The following PTPRG variants were observed in gnomAD, a reference collection of about 807,000 sequenced individuals.
PTPRG encodes the protein protein tyrosine phosphatase receptor type G.
In PTPRG, 102 loss-of-function variants were observed where a neutral mutation model predicts 165.3. The ratio of observed to expected loss-of-function variants is 0.62; its 90% CI spans 0.53 to 0.73. The LOEUF is 0.73. Ranked by LOEUF, PTPRG falls within the 30% of genes least tolerant of loss-of-function variation. PTPRG has a pLI of 0.00. For synonymous variants in PTPRG, 675 were observed against 669.5 expected (o/e 1.01, Z -0.13); for missense variants, 1,866 against 1,861.4 (o/e 1.00, Z -0.05).
intron 2 of PTPRG, among the ~76,000 whole-genome samples, chr3:61,761,726 G>C (rs2033841972): frequency 1.3e-5 from 2 of 152,172 alleles, no homozygotes; most frequent in South Asian, 4.1e-4. Flanking sequence ...ACTTAATCCA[G>C]ATTTCCTATT....
intron 1 of PTPRG, among the ~76,000 whole-genome samples, chr3:61,717,038 C>T (rs1410627177): frequency 6.6e-6 from 1 of 152,132 alleles, no homozygotes; most frequent in Non-Finnish European, 1.5e-5. Flanking sequence ...TGACTTGTTT[C>T]TTTGTCTTAA....
chr3:61,999,195 G>A (rs2041111338), intron 3 of PTPRG, among the ~76,000 whole-genome samples: 1 of 152,062 alleles, frequency 6.6e-6, no homozygotes, highest in Non-Finnish European at 1.5e-5. Context: ...ACAGGTGCCC[G>A]CCACCACACC....
intron 2 of PTPRG, 44 bp downstream of exon 2, chr3:61,749,026 A>G (rs1401082645): frequency 2.0e-6 from 3 of 1,465,998 alleles, no homozygotes; most frequent in Middle Eastern, 1.7e-4. Context: ...GCCAGTTAAC[A>G]TCCCATTCAA....
chr3:61,573,691 T>C (rs568317635), intron 1 of PTPRG, among the ~76,000 whole-genome samples: 3 of 152,314 alleles, frequency 2.0e-5, no homozygotes, highest in Admixed American at 2.0e-4. Context: ...GTGGTAGTCA[T>C]GTATGAGGGC....
chr3:61,666,325 T>C (rs1878933), intron 1 of PTPRG, among the ~76,000 whole-genome samples: 21,463 of 152,274 alleles, frequency 0.14, 1,623 homozygotes, highest in East Asian at 0.17. Context: ...TCTCATTTGA[T>C]AGCAGTTCAC....
intron 2 of PTPRG, among the ~76,000 whole-genome samples, chr3:61,752,474 T>TAC: frequency 6.6e-6 from 1 of 152,028 alleles, no homozygotes; most frequent in Non-Finnish European, 1.5e-5. Flanking sequence ...AAGCCTAGAA[T>TAC]ATTACTGTAT....
chr3:61,626,404 C>T (rs564105450), intron 1 of PTPRG, among the ~76,000 whole-genome samples: 1 of 152,252 alleles, frequency 6.6e-6, no homozygotes, highest in African/African-American at 2.4e-5. Flanking sequence ...AGCCTGAATT[C>T]CATTTTTTCT....
chr3:62,240,774 A>G lies in PTPRG; in HGVS notation c.2376-3033A>G, dbSNP rs74726488. Among the ~76,000 whole-genome samples, 1 of 152,310 alleles carries G rather than the reference A, an allele frequency of 6.6e-6. No homozygotes were observed. Among genetic ancestry groups the G allele is most frequent in the African/African-American group, 2.4e-5 (1 of 41,568 alleles). ...TCTTCCTCCAGAGTTTTACAGGGTT[A>G]GACCTCCTTAATCAGGCCTCAGCTC... On this transcript the variant is annotated intron_variant, in intron 14 of 29. Transcript: ENST00000474889. The surrounding 1 kb of genome is among the most constrained non-coding windows in gnomAD (Gnocchi z 5.1).
At chr3:61,904,919 T>G (rs1293850337) in intron 2 of PTPRG, among the ~76,000 whole-genome samples, 1 of 152,132 alleles carries the variant, frequency 6.6e-6, no homozygotes, top group Non-Finnish European at 1.5e-5. Context: ...CCTTTTTTTT[T>G]TTGATGCTCA....
rs1283004168 is a variant in PTPRG at position 62,228,118 on chromosome 3, T to C, written c.2289-3107T>C. Reference sequence around the variant, plus strand: ...GGGTTGCAATAGTGATCAAGGAAAATAGTGTGTTCTGGGAAGGACTCTGAC... The same window carrying C: ...GGGTTGCAATAGTGATCAAGGAAAACAGTGTGTTCTGGGAAGGACTCTGAC... On this transcript the variant is annotated intron_variant, in intron 13 of 29. Transcript: ENST00000474889. The surrounding 1 kb of genome is among the most constrained non-coding windows in gnomAD (Gnocchi z 4.1). 6.6e-6 allele frequency among the ~76,000 whole-genome samples: 1 copy of C among 151,906 alleles called. No homozygotes were observed. The highest frequency in any genetic ancestry group is 1.5e-5 in the Non-Finnish European group (1 of 67,984).
At chr3:62,248,456 T>C (rs1422045139) in intron 15 of PTPRG, among the ~76,000 whole-genome samples, 2 of 152,202 alleles carry the variant, frequency 1.3e-5, no homozygotes, top group African/African-American at 2.4e-5. Flanking sequence ...CCTCATATGC[T>C]TTCCATCTTC....
Position 61,708,353 on chromosome 3 carries a change from A to G in PTPRG, c.86-40525A>G, listed in dbSNP as rs149229916. On this transcript the variant is annotated intron_variant, in intron 1 of 29. Coordinates refer to ENST00000474889, the MANE Select transcript of PTPRG (RefSeq NM_002841.4). ...AGGAGTGTCTCAGGAGCATGAGGAC[A>G]CTGGGCACCTTTCTCACAGCCCAAC... Among the ~76,000 whole-genome samples the G allele has an allele frequency of 5.0e-3, 758 of 151,428 alleles. 8 individuals carry two copies. Among genetic ancestry groups the G allele is most frequent in the African/African-American group, 0.017 (714 of 41,250 alleles).
At chr3:62,218,442 G>C (rs1700567327) in intron 12 of PTPRG, among the ~76,000 whole-genome samples, 1 of 152,134 alleles carries the variant, frequency 6.6e-6, no homozygotes, top group Non-Finnish European at 1.5e-5. Flanking sequence ...TCTTGCCCTT[G>C]CCCTAGAGAA....
rs1575527801 is a variant in PTPRG, at chr3:61,598,430, T to C, written c.85+36058T>C. Among the ~76,000 whole-genome samples, 4 of 152,286 alleles carry C rather than the reference T, an allele frequency of 2.6e-5. No homozygotes were observed. In the South Asian group the frequency reaches 8.3e-4, roughly 32 times the overall value. On this transcript the variant is annotated intron_variant, in intron 1 of 29. Transcript: ENST00000474889. ...TCCTTTTCTTATCTCTGAACTAGGA[T>C]GTGAGGTTGAGCGTCCTGTGCTGTC...
Position 62,292,741 on chromosome 3 carries a change from C to T in PTPRG, c.4191+185C>T, listed in dbSNP as rs901483546. On this transcript the variant is annotated intron_variant, in intron 29 of 29. Transcript: ENST00000474889. ...ATCTAGAGGATACAAGCCAGAGATG[C>T]TGCTAAGCAAACTACACAGCACAAG... The T allele has an allele frequency of 3.1e-5, 20 of 636,800 alleles. 1 individual carries two copies. The highest frequency in any genetic ancestry group is 5.0e-5 in the Non-Finnish European group (19 of 376,636). The allele number at this position is 636,800 out of a possible 1,614,324, so 39.4% of individuals were successfully genotyped here.
intron 2 of PTPRG, among the ~76,000 whole-genome samples, chr3:61,898,477 G>A (rs1213224121): frequency 2.0e-5 from 3 of 152,094 alleles, no homozygotes; most frequent in Non-Finnish European, 4.4e-5. Flanking sequence ...TGTATCTCTA[G>A]AGGTTATGCT....
At chr3:62,098,248 A>G (rs1319234343) in intron 5 of PTPRG, among the ~76,000 whole-genome samples, 1 of 151,484 alleles carries the variant, frequency 6.6e-6, no homozygotes, top group Non-Finnish European at 1.5e-5. Context: ...AAATTATTTG[A>G]AAAAAAATAA....
At chr3:62,283,055 A>G (rs1024407825) in intron 28 of PTPRG, among the ~76,000 whole-genome samples, 186 bp downstream of exon 28, 9 of 152,084 alleles carry the variant, frequency 5.9e-5, no homozygotes, top group Non-Finnish European at 8.8e-5. Context: ...TAATATGTCA[A>G]ACTCTTCCAA....
At chr3:61,880,367 C>T (rs1575747587) in intron 2 of PTPRG, among the ~76,000 whole-genome samples, 1 of 152,152 alleles carries the variant, frequency 6.6e-6, no homozygotes, top group Admixed American at 6.5e-5. Context: ...AATGGCTCAT[C>T]CCAGAACTTC....
Sources: allele counts gnomAD v4.1 joint callset (sites outside exome capture counted in the v4.1 genomes callset), GRCh38; gene constraint gnomAD v4.1.1; non-coding constraint Gnocchi (gnomAD v3.1); transcripts MANE v1.5; gene names NCBI Gene and HGNC (gene_info 2026-07-23, HGNC 2026-07-21).